FAT3: variants seen among roughly 807,000 people sequenced by gnomAD.
The protein encoded by FAT3 is protocadherin Fat 3.
FAT3 carries 95 observed loss-of-function variants against 310.2 expected under a neutral mutation model. The ratio of observed to expected loss-of-function variants is 0.31; its 90% CI spans 0.26 to 0.36. FAT3 has a LOEUF of 0.36. Ranked by LOEUF, FAT3 falls within the 10% of genes least tolerant of loss-of-function variation. The pLI is 1.00. For synonymous variants in FAT3, 2,314 were observed against 2,192.9 expected (o/e 1.06, Z -1.54); for missense variants, 5,408 against 5,715.6 (o/e 0.95, Z 1.74).
intron 3 of FAT3, among the ~76,000 whole-genome samples, chr11:92,666,694 G>C (rs1033011169): frequency 6.6e-6 from 1 of 152,036 alleles, no homozygotes; most frequent in Non-Finnish European, 1.5e-5. Context: ...TTAAGGGGTA[G>C]GTTTCTGGTG....
chr11:92,517,398 G>A (rs1953523141), intron 2 of FAT3, among the ~76,000 whole-genome samples: 1 of 152,146 alleles, frequency 6.6e-6, no homozygotes. Context: ...AATAAATGGT[G>A]TTGGGAAAAC....
chr11:92,688,301 C>T (rs1943694329), intron 3 of FAT3, among the ~76,000 whole-genome samples: 1 of 152,104 alleles, frequency 6.6e-6, no homozygotes, highest in Admixed American at 6.6e-5. Flanking sequence ...TTGTGGAATT[C>T]AGATGATGAC....
At chr11:92,547,749 A>C (rs765506978) in intron 3 of FAT3, among the ~76,000 whole-genome samples, 54 of 152,140 alleles carry the variant, frequency 3.5e-4, no homozygotes, top group Non-Finnish European at 7.1e-4. Flanking sequence ...GGGTAGTATG[A>C]GGCACGGGCT....
intron 2 of FAT3, among the ~76,000 whole-genome samples, chr11:92,373,069 A>G (rs1294877348): frequency 6.6e-6 from 1 of 152,062 alleles, no homozygotes; most frequent in Admixed American, 6.6e-5. Context: ...ATTGGGAGGG[A>G]AGTAGAGGGG....
intron 4 of FAT3, among the ~76,000 whole-genome samples, chr11:92,737,199 A>G (rs1023382897): frequency 2.0e-5 from 3 of 152,194 alleles, no homozygotes; most frequent in Non-Finnish European, 4.4e-5. Flanking sequence ...CAGAGGGGAA[A>G]GAAATTGAAA....
chr11:92,593,990 A>C (rs1939575231), intron 3 of FAT3, among the ~76,000 whole-genome samples: 1 of 152,160 alleles, frequency 6.6e-6, no homozygotes, highest in South Asian at 2.1e-4. Flanking sequence ...ATGAGAAGCA[A>C]GGACCCCTTC....
intron 3 of FAT3, among the ~76,000 whole-genome samples, chr11:92,644,909 C>G (rs1326270735): frequency 6.6e-6 from 1 of 152,120 alleles, no homozygotes; most frequent in African/African-American, 2.4e-5. Context: ...AATATAAAGT[C>G]TTGGGGAAGA....
chr11:92,801,080 C>T lies in FAT3; in HGVS notation c.8067C>T (p.His2689=), dbSNP rs1947333152. The part of the protein sequence containing the change: ...KAVDGGIPVK[H]SLIPVYIHVL... ...TAGATGGGGGCATCCCAGTAAAGCA[C>T]TCCCTCATTCCTGTCTATATCCACG... is the stretch of plus-strand genomic sequence containing the variant. The change falls in exon 10 of 28, where the codon CAC becomes CAT. Residue 2689 remains histidine, a synonymous_variant. Coordinates refer to ENST00000525166, the MANE Select transcript of FAT3 (RefSeq NM_001367949.2). The T allele has an allele frequency of 6.2e-7, 1 of 1,613,938 alleles. No homozygotes were observed. Among genetic ancestry groups the T allele is most frequent in the African/African-American group, 1.3e-5 (1 of 75,044 alleles).
intron 3 of FAT3, among the ~76,000 whole-genome samples, chr11:92,537,648 TGACA>T (rs976289691): frequency 5.3e-5 from 8 of 152,116 alleles, no homozygotes; most frequent in South Asian, 4.1e-4. Flanking sequence ...ATGAAGCAAC[TGACA>T]GACAGACAGA....
Position 92,882,975 on chromosome 11 carries a change from A to T in FAT3, c.12519A>T (p.Ile4173=). Residue 4173 remains isoleucine (I), a synonymous_variant, in exon 24 of 28, where the codon ATA becomes ATT. Coordinates refer to ENST00000525166, the MANE Select transcript of FAT3 (RefSeq NM_001367949.2). ...FVIFILVVLF[I]VFRKKVFRKN... ...TCTTCATCCTGGTGGTTCTCTTCATAGTCTTCCGCAAGAAGGTCTTCCGCA... is the reference window on the plus strand; with the variant it reads ...TCTTCATCCTGGTGGTTCTCTTCATTGTCTTCCGCAAGAAGGTCTTCCGCA... The T allele has an allele frequency of 6.2e-7, 1 of 1,613,916 alleles. No individual in the cohort carries two copies. Among genetic ancestry groups the T allele is most frequent in the Non-Finnish European group, 8.5e-7 (1 of 1,179,870 alleles).
chr11:92,618,672 A>G (rs2135658691), intron 3 of FAT3, among the ~76,000 whole-genome samples: 1 of 152,244 alleles, frequency 6.6e-6, no homozygotes, highest in African/African-American at 2.4e-5. Flanking sequence ...ATATAAATAC[A>G]TTTATTTTTT....
intron 2 of FAT3, among the ~76,000 whole-genome samples, chr11:92,413,368 C>A (rs1327601170): frequency 6.6e-6 from 1 of 152,140 alleles, no homozygotes; most frequent in African/African-American, 2.4e-5. Flanking sequence ...AGGTGTTTAG[C>A]AAATGGTGGT....
chr11:92,575,153 A>T (rs540341390), intron 3 of FAT3, among the ~76,000 whole-genome samples: 2 of 152,082 alleles, frequency 1.3e-5, no homozygotes, highest in South Asian at 2.1e-4. Context: ...TAGGTATTTC[A>T]TGAATTTGGG....
intron 3 of FAT3, among the ~76,000 whole-genome samples, chr11:92,685,652 T>G (rs1019478665): frequency 6.6e-6 from 1 of 151,288 alleles, no homozygotes; most frequent in Non-Finnish European, 1.5e-5. Flanking sequence ...CCAATATTTA[T>G]TGATGCCCTT....
intron 2 of FAT3, among the ~76,000 whole-genome samples, chr11:92,480,707 T>G (rs1405502191): frequency 6.6e-6 from 1 of 152,190 alleles, no homozygotes; most frequent in African/African-American, 2.4e-5. Flanking sequence ...CACATTTTTT[T>G]TGTGTGACTG....
At chr11:92,476,402 C>G (rs376498343) in intron 2 of FAT3, among the ~76,000 whole-genome samples, 2 of 152,058 alleles carry the variant, frequency 1.3e-5, no homozygotes, top group African/African-American at 4.8e-5. Context: ...TTGCTTCTGC[C>G]CATCCTAGGT....
rs181136851 is a variant in FAT3, at chr11:92,302,405, A to G, written c.-17-49691A>G. ...TATTGTGTCGATATAAATTGTAATT[A>G]TCTACCTTTCCTTTTTTTCTCATGT... On this transcript the variant is annotated intron_variant, in intron 1 of 27. Transcript: ENST00000525166. Among the ~76,000 whole-genome samples the G allele has an allele frequency of 7.5e-4, 114 of 152,166 alleles. 2 individuals carry two copies. The highest frequency in any genetic ancestry group is 3.4e-3 in the Middle Eastern group (1 of 294).
chr11:92,669,650 G>A (rs915480235), intron 3 of FAT3, among the ~76,000 whole-genome samples: 4 of 152,154 alleles, frequency 2.6e-5, no homozygotes, highest in Non-Finnish European at 5.9e-5. Flanking sequence ...GGTAAGAGGG[G>A]TTGGCCAGTA....
chr11:92,571,431 C>A (rs1955660807), intron 3 of FAT3, among the ~76,000 whole-genome samples: 1 of 152,200 alleles, frequency 6.6e-6, no homozygotes, highest in South Asian at 2.1e-4. Context: ...TCACACCCAA[C>A]AGTCATCAGG....
Sources: allele counts gnomAD v4.1 joint callset (sites outside exome capture counted in the v4.1 genomes callset), GRCh38; gene constraint gnomAD v4.1.1; transcripts MANE v1.5; gene names NCBI Gene and HGNC (gene_info 2026-07-23, HGNC 2026-07-21).